The following TCF3 variants were observed in gnomAD, a reference collection of about 807,000 sequenced individuals.
TCF3 encodes the protein transcription factor E2-alpha.
Under a neutral mutation model 72.3 loss-of-function variants are expected in TCF3, and 54 were observed. The observed-to-expected ratio is 0.75, with a 90% CI of 0.60 to 0.94. The LOEUF (loss-of-function observed/expected upper bound fraction) is 0.94. Ranked by LOEUF, TCF3 falls within the 40% of genes least tolerant of loss-of-function variation. TCF3 has a pLI of 0.00. For synonymous variants in TCF3, 525 were observed against 412.6 expected (o/e 1.27, Z -3.30); for missense variants, 1,078 against 934.4 (o/e 1.15, Z -2.00).
chr19:1,633,094 C>T (rs778099693), intron 3 of TCF3, among the ~76,000 whole-genome samples: 10 of 128,814 alleles, frequency 7.8e-5, no homozygotes, highest in Non-Finnish European at 1.3e-4. Flanking sequence ...GGTCCCGGGG[C>T]GGGGCGGGCG....
intron 3 of TCF3, among the ~76,000 whole-genome samples, chr19:1,635,616 A>C (rs1340847078): frequency 6.6e-6 from 1 of 152,076 alleles, no homozygotes. Context: ...CATTTTACTC[A>C]TAAATAACTG....
chr19:1,614,554 T>C lies in TCF3; in HGVS notation c.1822+731A>G, dbSNP rs996616037. On this transcript the variant is annotated intron_variant, in intron 18 of 18. Coordinates refer to ENST00000262965, the MANE Select transcript of TCF3 (RefSeq NM_003200.5). The surrounding 1 kb of genome is among the most constrained non-coding windows in gnomAD (Gnocchi z 5.6). ...CACGGCTGCAGAGACTCGGAAACCT[T>C]AGAGCTGAGGGGATAGCGTGTGGGC... 6.6e-6 allele frequency among the ~76,000 whole-genome samples: 1 copy of C among 151,856 alleles called. No individual in the cohort carries two copies. Among genetic ancestry groups the C allele is most frequent in the Non-Finnish European group, 1.5e-5 (1 of 67,934 alleles).
At chr19:1,618,014 G>C (rs926155682) in intron 16 of TCF3, among the ~76,000 whole-genome samples, 1 of 152,142 alleles carries the variant, frequency 6.6e-6, no homozygotes, top group Non-Finnish European at 1.5e-5. Context: ...TCCTGGGCTG[G>C]TGGAAGGCAC....
At chr19:1,616,501 G>C (rs1402129016) in intron 16 of TCF3, 1 of 152,060 alleles carries the variant, frequency 6.6e-6, no homozygotes, top group East Asian at 1.9e-4. Flanking sequence ...TAAAACTTTG[G>C]AACACTTCAG....
intron 18 of TCF3, chr19:1,612,133 G>T: frequency 6.9e-7 from 1 of 1,441,262 alleles, no homozygotes; most frequent in Non-Finnish European, 9.3e-7. Flanking sequence ...GGCAAGCACA[G>T]GAGGACCCCA....
chr19:1,610,426 T>A lies in TCF3; in HGVS notation c.*1281A>T, dbSNP rs1303022211. The stretch of plus-strand genomic sequence containing the variant: ...CTGGTGTAATGGGGACATGGTGGGG[T>A]GGGGTGGGGGGTGTCCTGTGCTGGC... On this transcript the variant is annotated 3_prime_UTR_variant, in exon 19 of 19. Coordinates refer to ENST00000262965, the MANE Select transcript of TCF3 (RefSeq NM_003200.5). 5 of 228,144 alleles carry A rather than the reference T, an allele frequency of 2.2e-5. No homozygotes were observed. The highest frequency in any genetic ancestry group is 4.3e-5 in the Non-Finnish European group (5 of 115,392). The allele number at this position is 228,144 out of a possible 1,614,324, so 14.1% of individuals were successfully genotyped here. A position where few individuals can be genotyped will look rare whatever the true frequency, so the allele number is the denominator to read the frequency against.
intron 3 of TCF3, among the ~76,000 whole-genome samples, chr19:1,634,916 T>C (rs1365737974): frequency 2.0e-5 from 3 of 152,240 alleles, no homozygotes; most frequent in Non-Finnish European, 4.4e-5. Context: ...CCATCTGTCC[T>C]GCACAGCCAA....
At chr19:1,647,937 G>A (rs2066376071) in intron 2 of TCF3, among the ~76,000 whole-genome samples, 1 of 151,778 alleles carries the variant, frequency 6.6e-6, no homozygotes, top group African/African-American at 2.4e-5. Flanking sequence ...GCACGCGGCA[G>A]GGCCTGGGGA....
In TCF3 at chr19:1,621,116, C is replaced by G; in HGVS notation, c.1014+17G>C. On this transcript the variant is annotated intron_variant, in intron 12 of 18. Coordinates refer to ENST00000262965, the MANE Select transcript of TCF3 (RefSeq NM_003200.5). ...TCAGGTCACTTGCCTGGCCACCCCC[C>G]ATGCCCCACGCCTCACCGAGGCCAG... The G allele has an allele frequency of 6.5e-7, 1 of 1,534,790 alleles. No homozygotes were observed. Among genetic ancestry groups the G allele is most frequent in the Non-Finnish European group, 8.8e-7 (1 of 1,137,430 alleles).
At chr19:1,643,933 C>T (rs2065692156) in intron 3 of TCF3, among the ~76,000 whole-genome samples, 1 of 152,172 alleles carries the variant, frequency 6.6e-6, no homozygotes, top group South Asian at 2.1e-4. Context: ...ACCCCATCAG[C>T]CATCAGCGTT....
In TCF3 at chr19:1,632,533, C is replaced by G. The variant is rs1599831974; in HGVS notation, c.146-128G>C. The G allele has an allele frequency of 1.2e-5, 11 of 912,954 alleles. No homozygotes were observed. In the East Asian group the frequency reaches 2.9e-4, roughly 24 times the overall value. The allele number at this position is 912,954 out of a possible 1,614,324, so 56.6% of individuals were successfully genotyped here. A position where few individuals can be genotyped will look rare whatever the true frequency, so the allele number is the denominator to read the frequency against. Reference sequence around the variant, plus strand: ...CTTGTGGAACCCTTCCTAACCCAGCCTCACCCAGCCCGACTCATGAGGACA... The same window carrying G: ...CTTGTGGAACCCTTCCTAACCCAGCGTCACCCAGCCCGACTCATGAGGACA... On this transcript the variant is annotated intron_variant, in intron 3 of 18. Coordinates refer to ENST00000262965, the MANE Select transcript of TCF3 (RefSeq NM_003200.5).
At position 1,622,069 on chromosome 19, in the gene TCF3, G is replaced by GTGCAGGCCACCAAACGTGCTGC; in HGVS notation, c.785_806dup (p.His269GlnfsTer87). On this transcript the variant is annotated frameshift_variant, in exon 10 of 19. Transcript: ENST00000262965. LOFTEE classifies it high-confidence loss of function. ...TGGGTCCTACCATACGCTCGTGCTG[G>GTGCAGGCCACCAAACGTGCTGC]TGCAGGCCACCAAACGTGCTGCTGC... The GTGCAGGCCACCAAACGTGCTGC allele has an allele frequency of 6.2e-7, 1 of 1,606,314 alleles. No individual in the cohort carries two copies. The highest frequency in any genetic ancestry group is 8.5e-7 in the Non-Finnish European group (1 of 1,177,822).
chr19:1,621,299 G>A (rs997284957), intron 11 of TCF3, 108 bp from the exon 12 acceptor site: 8 of 1,320,394 alleles, frequency 6.1e-6, no homozygotes, highest in South Asian at 1.4e-5. Context: ...GCGCCAGGGA[G>A]AGCAGCCTGA....
At chr19:1,651,174 G>C (rs1202114285) in intron 1 of TCF3, 1 of 231,040 alleles carries the variant, frequency 4.3e-6, no homozygotes, top group South Asian at 1.8e-4. Context: ...CCCAGAAAAA[G>C]GTACAGAGAA....
chr19:1,650,079 C>T (rs866994524), intron 2 of TCF3, 98 bp downstream of exon 2: 1 of 1,203,394 alleles, frequency 8.3e-7, no homozygotes, highest in South Asian at 1.4e-5. Context: ...GCTGAGGCTC[C>T]ATCGCTGAAG....
At chr19:1,650,578 G>A (rs561777379) in intron 1 of TCF3, 133 of 322,462 alleles carry the variant, frequency 4.1e-4, no homozygotes, top group African/African-American at 2.5e-3. Context: ...GGAACACCAG[G>A]GCATCAAGTT....
In TCF3 at chr19:1,622,464, G is replaced by T. The variant is rs1002843518; in HGVS notation, c.550-49C>A. The stretch of plus-strand genomic sequence containing the variant: ...GGTGCAGTCAGGACGGAGGGACCAC[G>T]ATCAGCCCATGCACCTTGCCGGCCT... On this transcript the variant is annotated intron_variant, in intron 8 of 18. Transcript: ENST00000262965. The T allele has an allele frequency of 9.6e-6, 10 of 1,038,750 alleles. No homozygotes were observed. In the South Asian group the frequency reaches 1.0e-4, roughly 10 times the overall value. The allele number at this position is 1,038,750 out of a possible 1,614,324, so 64.3% of individuals were successfully genotyped here.
Position 1,610,620 on chromosome 19 carries a change from C to T in TCF3, c.*1087G>A. On this transcript the variant is annotated 3_prime_UTR_variant, in exon 19 of 19. Transcript: ENST00000262965. ...AAATGCCCCATTTCAGAGAGCTGTG[C>T]AGGTTCCAAGGGAGAGCAGCTTAGG... The T allele has an allele frequency of 4.3e-6, 1 of 231,104 alleles. No individual in the cohort carries two copies. Among genetic ancestry groups the T allele is most frequent in the Non-Finnish European group, 8.6e-6 (1 of 116,798 alleles). The allele number at this position is 231,104 out of a possible 1,614,324, so 14.3% of individuals were successfully genotyped here.
intron 3 of TCF3, among the ~76,000 whole-genome samples, chr19:1,639,989 T>C (rs1422872666): frequency 2.0e-5 from 3 of 152,028 alleles, no homozygotes; most frequent in African/African-American, 7.3e-5. Flanking sequence ...GATTTGCCAA[T>C]GAAGCAGATT....
Sources: allele counts gnomAD v4.1 joint callset (sites outside exome capture counted in the v4.1 genomes callset), GRCh38; gene constraint gnomAD v4.1.1; non-coding constraint Gnocchi (gnomAD v3.1); transcripts MANE v1.5; gene names NCBI Gene and HGNC (gene_info 2026-07-23, HGNC 2026-07-21).